The following NSUN6 variants were observed in gnomAD, a reference collection of about 807,000 sequenced individuals.
The protein encoded by NSUN6 is NOP2/Sun RNA methyltransferase 6.
Under a neutral mutation model 58.0 loss-of-function variants are expected in NSUN6, and 64 were observed. That is an observed-to-expected ratio of 1.10 (90% CI 0.90 to 1.36). The LOEUF is 1.36. Ranked by LOEUF, NSUN6 falls within the 40% of genes most tolerant of loss-of-function variation. The pLI is 0.00. For synonymous variants in NSUN6, 231 were observed against 193.9 expected (o/e 1.19, Z -1.59); for missense variants, 701 against 550.1 (o/e 1.27, Z -2.74).
chr10:18,550,147 T>C (rs750090129), intron 9 of NSUN6, among the ~76,000 whole-genome samples: 3 of 152,370 alleles, frequency 2.0e-5, no homozygotes, highest in Admixed American at 6.5e-5. Flanking sequence ...CTACTCCTAG[T>C]AGCCTTTTAA....
At chr10:18,655,244 A>G (rs2059764651), upstream of NSUN6, 1 of 656,100 alleles carries the variant, frequency 1.5e-6, no homozygotes, top group Non-Finnish European at 1.9e-6. Context: ...GAAGTTTAGC[A>G]GGGTTCCTGG....
chr10:18,570,148 T>C (rs1313939261), intron 8 of NSUN6, among the ~76,000 whole-genome samples: 1 of 151,424 alleles, frequency 6.6e-6, no homozygotes, highest in Non-Finnish European at 1.5e-5. Flanking sequence ...CGCATTCCAT[T>C]CCATTCTCCA....
At chr10:18,652,850 C>T (rs908849728), upstream of NSUN6, 12 of 968,700 alleles carry the variant, frequency 1.2e-5, no homozygotes, top group East Asian at 1.1e-4. Flanking sequence ...TGAGCCACCA[C>T]GCCCAGCCCA....
rs147208995 is a variant in NSUN6, at chr10:18,588,907, C to G, written c.778-2814G>C. 1.4e-4 allele frequency among the ~76,000 whole-genome samples: 21 copies of G among 152,276 alleles called. No homozygotes were observed. In the East Asian group the frequency reaches 4.1e-3, roughly 29 times the overall value. On this transcript the variant is annotated intron_variant, in intron 7 of 10. Transcript: ENST00000377304. ...TCTCCAGCAAGGGCACAAAACTGGA[C>G]AGGGAATGAGACTGACAAACTGACA...
At chr10:18,579,256 T>G (rs1243798906) in intron 8 of NSUN6, among the ~76,000 whole-genome samples, 1 of 152,136 alleles carries the variant, frequency 6.6e-6, no homozygotes, top group African/African-American at 2.4e-5. Context: ...CACTGCAAGC[T>G]CTGCCTCCCG....
chr10:18,566,905 A>T (rs2055999081), intron 8 of NSUN6, among the ~76,000 whole-genome samples: 1 of 144,788 alleles, frequency 6.9e-6, no homozygotes, highest in Non-Finnish European at 1.5e-5. Context: ...TCCATTGTCC[A>T]TTCTATTCTC....
intron 5 of NSUN6, among the ~76,000 whole-genome samples, chr10:18,612,965 G>T (rs1340961177): frequency 6.6e-6 from 1 of 152,066 alleles, no homozygotes; most frequent in Non-Finnish European, 1.5e-5. Context: ...AGTTGTGTTG[G>T]TTTAAAATTT....
At chr10:18,590,401 T>C (rs1245161242) in intron 7 of NSUN6, among the ~76,000 whole-genome samples, 1 of 152,148 alleles carries the variant, frequency 6.6e-6, no homozygotes, top group Non-Finnish European at 1.5e-5. Flanking sequence ...CTGGATCAAG[T>C]GGACCTAATA....
chr10:18,624,248 C>G (rs942705809), intron 3 of NSUN6, among the ~76,000 whole-genome samples: 1 of 151,438 alleles, frequency 6.6e-6, no homozygotes, highest in Non-Finnish European at 1.5e-5. Flanking sequence ...GTAATACATC[C>G]CTATGACTAG....
chr10:18,628,609 T>C (rs372476326), intron 3 of NSUN6, among the ~76,000 whole-genome samples: 11 of 151,946 alleles, frequency 7.2e-5, no homozygotes, highest in East Asian at 3.8e-4. Context: ...GTGAAGAATG[T>C]AGAAGCCTCA....
At chr10:18,605,969 G>T (rs2058034004) in intron 6 of NSUN6, among the ~76,000 whole-genome samples, 1 of 152,134 alleles carries the variant, frequency 6.6e-6, no homozygotes, top group African/African-American at 2.4e-5. Context: ...AATAAAAGTT[G>T]ACTGAAGATA....
intron 7 of NSUN6, among the ~76,000 whole-genome samples, chr10:18,586,732 C>T (rs2057163706): frequency 6.6e-6 from 1 of 152,188 alleles, no homozygotes; most frequent in African/African-American, 2.4e-5. Flanking sequence ...TTGTGAAGAA[C>T]GAAAGAACAA....
At chr10:18,629,139 A>C (rs2058936539) in intron 3 of NSUN6, among the ~76,000 whole-genome samples, 1 of 152,308 alleles carries the variant, frequency 6.6e-6, no homozygotes, top group East Asian at 1.9e-4. Context: ...CCAGAATTTC[A>C]TATCCACCCA....
intron 8 of NSUN6, among the ~76,000 whole-genome samples, chr10:18,566,988 C>T (rs2056005644): frequency 1.3e-5 from 2 of 150,610 alleles, no homozygotes; most frequent in Admixed American, 6.7e-5. Flanking sequence ...ATTCTATTCA[C>T]CACTGCATTC....
intron 6 of NSUN6, among the ~76,000 whole-genome samples, chr10:18,609,328 T>C (rs530087282): frequency 6.6e-6 from 1 of 151,782 alleles, no homozygotes; most frequent in Non-Finnish European, 1.5e-5. Flanking sequence ...TAATAATAAT[T>C]ATTATTATTA....
chr10:18,648,280 C>A (rs192953790), intron 2 of NSUN6, among the ~76,000 whole-genome samples: 3 of 152,170 alleles, frequency 2.0e-5, no homozygotes, highest in African/African-American at 7.2e-5. Context: ...ATTTTAGTCA[C>A]CAAAAATGAA....
At chr10:18,603,504 CTT>C (rs1044213874) in intron 6 of NSUN6, among the ~76,000 whole-genome samples, 4 of 149,316 alleles carry the variant, frequency 2.7e-5, no homozygotes, top group Non-Finnish European at 5.9e-5. Context: ...GAGTCTCGCT[CTT>C]GTCGCCCAGG....
chr10:18,600,346 C>T (rs4497294), intron 6 of NSUN6, among the ~76,000 whole-genome samples: 8,185 of 152,262 alleles, frequency 0.054, 304 homozygotes, highest in Non-Finnish European at 0.08. Flanking sequence ...AAAAAGAGGC[C>T]GGTTGTGGTG....
At chr10:18,565,110 CATTCCATTCTCCATTCT>C (rs1399128665) in intron 8 of NSUN6, among the ~76,000 whole-genome samples, 1 of 151,328 alleles carries the variant, frequency 6.6e-6, no homozygotes, top group East Asian at 1.9e-4. Context: ...TTCCACGTTC[CATTCCATTCTCCATTCT>C]ATTCCATTCT....
Sources: gnomAD v4.1 joint callset for allele counts (sites outside exome capture counted in the v4.1 genomes callset) on GRCh38, gnomAD v4.1.1 for gene constraint, MANE v1.5 for transcripts, NCBI Gene and HGNC (gene_info 2026-07-23, HGNC 2026-07-21) for gene names.